Variants in FRMD4A observed in about 807,000 individuals in gnomAD.
FRMD4A encodes the protein FERM domain-containing protein 4A.
FRMD4A carries 29 observed loss-of-function variants against 129.1 expected under a neutral mutation model. The observed-to-expected ratio is 0.22, with a 90% CI of 0.17 to 0.31. The LOEUF is 0.31. Among genes scored for constraint, FRMD4A ranks in the 10% least tolerant of loss-of-function variants. FRMD4A has a pLI of 1.00. For synonymous variants in FRMD4A, 634 were observed against 571.6 expected (o/e 1.11, Z -1.56); for missense variants, 1,272 against 1,375.8 (o/e 0.92, Z 1.19).
chr10:14,072,304 A>G (rs889373538), intron 2 of FRMD4A, among the ~76,000 whole-genome samples: 2 of 152,210 alleles, frequency 1.3e-5, no homozygotes, highest in African/African-American at 4.8e-5. Context: ...TTACTTCTCT[A>G]GATAATATCC....
At chr10:14,324,887 C>T (rs1589315731) in intron 2 of FRMD4A, among the ~76,000 whole-genome samples, 1 of 152,206 alleles carries the variant, frequency 6.6e-6, no homozygotes, top group Admixed American at 6.5e-5. Flanking sequence ...TCTCAAACAC[C>T]TGACCTCAGG....
At chr10:13,941,276 T>G (rs1683840707) in intron 2 of FRMD4A, among the ~76,000 whole-genome samples, 1 of 152,156 alleles carries the variant, frequency 6.6e-6, no homozygotes. Flanking sequence ...GAAACCCCTT[T>G]TGCTTGGCTC....
intron 2 of FRMD4A, among the ~76,000 whole-genome samples, chr10:14,176,267 A>T (rs1248096740): frequency 6.6e-6 from 1 of 151,940 alleles, no homozygotes; most frequent in Non-Finnish European, 1.5e-5. Context: ...TCCATCTATC[A>T]TTGCATTATT....
chr10:13,766,075 A>T (rs1014452049), intron 6 of FRMD4A, among the ~76,000 whole-genome samples: 1 of 152,268 alleles, frequency 6.6e-6, no homozygotes, highest in Non-Finnish European at 1.5e-5. Context: ...TTCATCCGCT[A>T]AACGAAGATG....
chr10:13,670,342 G>C lies in FRMD4A; in HGVS notation c.1374+64C>G, dbSNP rs17153679. On this transcript the variant is annotated intron_variant, in intron 17 of 24. Transcript: ENST00000357447. ...GAAATTGGTACAGAAAACCTGGAAG[G>C]CCTGACCAATGGGAAAAACAAGGAT... is the stretch of plus-strand genomic sequence containing the variant. The C allele has an allele frequency of 2.6e-3, 4,058 of 1,546,710 alleles. 80 individuals are homozygous for C. In the African/African-American group the frequency reaches 0.048, roughly 18 times the overall value.
intron 2 of FRMD4A, among the ~76,000 whole-genome samples, chr10:14,101,257 C>A (rs939876481): frequency 1.3e-5 from 2 of 152,212 alleles, no homozygotes; most frequent in Non-Finnish European, 1.5e-5. Context: ...ACTGCAGGAT[C>A]TCCCAGAACT....
chr10:13,827,399 C>T (rs534975490), intron 3 of FRMD4A, among the ~76,000 whole-genome samples: 13 of 152,088 alleles, frequency 8.5e-5, no homozygotes, highest in Non-Finnish European at 1.6e-4. Flanking sequence ...TCCCGAAACC[C>T]GACAGGATAT....
intron 12 of FRMD4A, among the ~76,000 whole-genome samples, chr10:13,724,977 G>A (rs2089779899): frequency 6.6e-6 from 1 of 152,186 alleles, no homozygotes; most frequent in South Asian, 2.1e-4. Context: ...GGGAGTCAAA[G>A]ACAGACGTGG....
intron 3 of FRMD4A, among the ~76,000 whole-genome samples, chr10:13,839,021 G>A (rs1163721195): frequency 8.5e-6 from 1 of 117,536 alleles, no homozygotes; most frequent in Non-Finnish European, 1.6e-5. Flanking sequence ...TTTAGAGATA[G>A]GGTCTTGCTC....
chr10:14,327,339 A>G (rs906074997), intron 2 of FRMD4A, among the ~76,000 whole-genome samples: 9 of 152,272 alleles, frequency 5.9e-5, no homozygotes, highest in African/African-American at 1.9e-4. Flanking sequence ...GGTTGGAAAT[A>G]GAGACATAAC....
intron 2 of FRMD4A, among the ~76,000 whole-genome samples, chr10:14,169,604 T>C (rs907392317): frequency 9.2e-5 from 14 of 152,206 alleles, no homozygotes; most frequent in Non-Finnish European, 2.1e-4. Context: ...TGGTTTCTTG[T>C]CTCCTCCTGT....
chr10:14,153,694 T>TC (rs1358954476), intron 2 of FRMD4A, among the ~76,000 whole-genome samples: 2 of 152,120 alleles, frequency 1.3e-5, no homozygotes, highest in East Asian at 3.9e-4. Flanking sequence ...CCCTCCCGTC[T>TC]CCAGCTCTGC....
chr10:14,238,491 G>C (rs151054121), intron 2 of FRMD4A, among the ~76,000 whole-genome samples: 189 of 152,158 alleles, frequency 1.2e-3, no homozygotes, highest in African/African-American at 4.4e-3. Flanking sequence ...TCCTTTTTGA[G>C]CAAGAAGCAT....
chr10:13,975,142 TG>T (rs1565146142), intron 2 of FRMD4A, among the ~76,000 whole-genome samples: 2 of 151,994 alleles, frequency 1.3e-5, no homozygotes, highest in Non-Finnish European at 2.9e-5. Context: ...TACCTGTGTG[TG>T]TGTGTCTACT....
rs1205935769 is a variant in FRMD4A, at chr10:13,715,569, T to C, written c.760-8456A>G. Among the ~76,000 whole-genome samples, 5 of 152,250 alleles carry C rather than the reference T, an allele frequency of 3.3e-5. No individual in the cohort carries two copies. In the East Asian group the frequency reaches 9.6e-4, roughly 29 times the overall value. ...GCTGCTGTACTAATGAATTAATATA[T>C]GTTAAATGCTTAAAATGGTGCCTGG... On this transcript the variant is annotated intron_variant, in intron 12 of 24. Coordinates refer to ENST00000357447, the MANE Select transcript of FRMD4A (RefSeq NM_018027.5).
At chr10:14,197,195 G>A (rs1319753076) in intron 2 of FRMD4A, among the ~76,000 whole-genome samples, 1 of 152,012 alleles carries the variant, frequency 6.6e-6, no homozygotes, top group African/African-American at 2.4e-5. Context: ...CTCACAATAA[G>A]GGAACCCCAC....
At chr10:14,199,655 G>GTA (rs1371382408) in intron 2 of FRMD4A, among the ~76,000 whole-genome samples, 48 of 152,312 alleles carry the variant, frequency 3.2e-4, no homozygotes, top group African/African-American at 1.2e-3. Context: ...CTCCCAAACA[G>GTA]CTGGAAGTAC....
intron 13 of FRMD4A, among the ~76,000 whole-genome samples, chr10:13,705,578 T>C (rs191814080): frequency 3.9e-5 from 6 of 152,234 alleles, no homozygotes; most frequent in East Asian, 3.9e-4. Context: ...ATTTCCCCTC[T>C]CTTACATGCC....
At chr10:13,683,625 G>A (rs1338295874) in intron 15 of FRMD4A, among the ~76,000 whole-genome samples, 11 of 151,800 alleles carry the variant, frequency 7.2e-5, no homozygotes, top group Admixed American at 7.2e-4. Flanking sequence ...AATGAGACAG[G>A]TAGTAGTTGC....
Sources: allele counts gnomAD v4.1 joint callset (sites outside exome capture counted in the v4.1 genomes callset), GRCh38; gene constraint gnomAD v4.1.1; transcripts MANE v1.5; gene names NCBI Gene and HGNC (gene_info 2026-07-23, HGNC 2026-07-21).